The following CTNNA2 variants were observed in gnomAD, a reference collection of about 807,000 sequenced individuals.
CTNNA2 encodes the protein catenin alpha 2.
CTNNA2 carries 42 observed loss-of-function variants against 101.0 expected under a neutral mutation model. The ratio of observed to expected loss-of-function variants is 0.42; its 90% CI spans 0.32 to 0.54. The LOEUF (loss-of-function observed/expected upper bound fraction) is 0.54, where lower values mean the gene tolerates loss of function less well. CTNNA2 is among the 20% of genes least tolerant of loss of function. The pLI is 0.14. For missense variants in CTNNA2, 871 were observed against 1,223.1 expected, an observed-to-expected ratio of 0.71 and a Z score of 4.29; for synonymous variants, 450 against 456.4, an observed-to-expected ratio of 0.99 and a Z score of 0.18.
chr2:79,376,661 G>A (rs894463821), intron 4 of CTNNA2, among the ~76,000 whole-genome samples: 1 of 151,974 alleles, frequency 6.6e-6, no homozygotes, highest in Non-Finnish European at 1.5e-5. Context: ...ACAGGCCCTG[G>A]TGTGTGATGT....
intron 1 of CTNNA2, among the ~76,000 whole-genome samples, chr2:79,585,502 ATAT>A (rs1301782110): frequency 6.6e-6 from 1 of 151,952 alleles, no homozygotes; most frequent in South Asian, 2.1e-4. Context: ...TATTCTTATA[ATAT>A]TATTATTATA....
chr2:80,372,859 CTG>C (rs1315604414), intron 7 of CTNNA2, among the ~76,000 whole-genome samples: 2 of 152,112 alleles, frequency 1.3e-5, no homozygotes, highest in Admixed American at 1.3e-4. Flanking sequence ...TTAGCAATGT[CTG>C]GAGATATTTT....
At chr2:80,130,353 G>A (rs1187511645) in intron 7 of CTNNA2, among the ~76,000 whole-genome samples, 2 of 152,170 alleles carry the variant, frequency 1.3e-5, no homozygotes, top group African/African-American at 4.8e-5. Context: ...GCACATTCAA[G>A]GTAATTCCCA....
intron 6 of CTNNA2, among the ~76,000 whole-genome samples, chr2:79,902,914 T>C (rs1836207): frequency 0.89 from 135,526 of 152,234 alleles, 60,565 homozygotes; most frequent in African/African-American, 0.96. Context: ...CATGAGCCAC[T>C]GCGCCCGGTC....
At chr2:80,496,730 T>G (rs1321749885) in intron 9 of CTNNA2, among the ~76,000 whole-genome samples, 1 of 152,226 alleles carries the variant, frequency 6.6e-6, no homozygotes, top group Non-Finnish European at 1.5e-5. Flanking sequence ...TGACTTGCAT[T>G]GCTGCTAGGG....
chr2:80,216,476 C>G (rs1213651930), intron 7 of CTNNA2, among the ~76,000 whole-genome samples: 1 of 152,196 alleles, frequency 6.6e-6, no homozygotes, highest in African/African-American at 2.4e-5. Context: ...AAACTGTAAT[C>G]TCATTATTTG....
chr2:79,403,274 A>G (rs1451116430), intron 4 of CTNNA2, among the ~76,000 whole-genome samples: 2 of 151,930 alleles, frequency 1.3e-5, no homozygotes, highest in Non-Finnish European at 2.9e-5. Flanking sequence ...ACTCTAAACA[A>G]AAGTAATAGA....
At chr2:80,359,441 C>G (rs958597603) in intron 7 of CTNNA2, among the ~76,000 whole-genome samples, 5 of 152,122 alleles carry the variant, frequency 3.3e-5, no homozygotes, top group African/African-American at 1.2e-4. Context: ...GGAGGCGGAG[C>G]CTGGTGGGAG....
intron 3 of CTNNA2, among the ~76,000 whole-genome samples, chr2:79,825,541 G>A (rs934531197): frequency 6.6e-6 from 1 of 152,112 alleles, no homozygotes; most frequent in Non-Finnish European, 1.5e-5. Context: ...TTACTAAAAG[G>A]GGGAAGACAA....
At chr2:79,439,108 G>A (rs187314801) in intron 4 of CTNNA2, among the ~76,000 whole-genome samples, 184 of 152,246 alleles carry the variant, frequency 1.2e-3, no homozygotes, top group African/African-American at 4.2e-3. Flanking sequence ...CCACACAAAA[G>A]CCAGTGTACA....
At chr2:80,489,868 A>C (rs558167801) in intron 9 of CTNNA2, among the ~76,000 whole-genome samples, 129 of 152,264 alleles carry the variant, frequency 8.5e-4, no homozygotes, top group Non-Finnish European at 1.5e-3. Context: ...ATAGGATATA[A>C]AATATAAGAG....
upstream of CTNNA2, among the ~76,000 whole-genome samples, chr2:79,508,586 CTG>C (rs1248907326): frequency 6.6e-6 from 1 of 151,944 alleles, no homozygotes; most frequent in Non-Finnish European, 1.5e-5. Flanking sequence ...TCAAAAGACA[CTG>C]AGGAATAATA....
At chr2:79,385,389 A>G (rs1678087687) in intron 4 of CTNNA2, among the ~76,000 whole-genome samples, 2 of 152,210 alleles carry the variant, frequency 1.3e-5, no homozygotes, top group Admixed American at 6.5e-5. Flanking sequence ...ACAGTAGACC[A>G]CTTGGATTAA....
intron 3 of CTNNA2, among the ~76,000 whole-genome samples, chr2:79,806,744 C>T (rs1452431033): frequency 6.6e-6 from 1 of 152,022 alleles, no homozygotes; most frequent in African/African-American, 2.4e-5. Flanking sequence ...CTTCTGTGTA[C>T]AACCTGCCCC....
intron 3 of CTNNA2, among the ~76,000 whole-genome samples, chr2:79,351,128 A>G (rs1226277553): frequency 2.0e-5 from 3 of 152,094 alleles, no homozygotes. Context: ...AAGGTTTTTT[A>G]GTTTAGATAA....
intron 1 of CTNNA2, among the ~76,000 whole-genome samples, chr2:79,590,816 A>G (rs982179853): frequency 2.0e-5 from 3 of 152,194 alleles, no homozygotes; most frequent in Non-Finnish European, 2.9e-5. Context: ...ACTGTGTTTT[A>G]TCTGAAAAGC....
chr2:79,876,214 TTTTG>T (rs1016369183), intron 6 of CTNNA2, among the ~76,000 whole-genome samples: 5 of 152,128 alleles, frequency 3.3e-5, no homozygotes, highest in African/African-American at 7.2e-5. Context: ...GATAAAGGAT[TTTTG>T]TTTGTTTGTC....
At chr2:79,413,227 T>G (rs1438809461) in intron 4 of CTNNA2, among the ~76,000 whole-genome samples, 2 of 151,978 alleles carry the variant, frequency 1.3e-5, no homozygotes, top group African/African-American at 2.4e-5. Context: ...CTAGACAAAT[T>G]TGAAAAGAGC....
At chr2:79,925,348 A>G (rs901509648) in intron 7 of CTNNA2, among the ~76,000 whole-genome samples, 5 of 152,138 alleles carry the variant, frequency 3.3e-5, no homozygotes, top group Non-Finnish European at 7.4e-5. Context: ...ATATTTTTAT[A>G]TAAAGTGTAT....
Sources: allele counts gnomAD v4.1 joint callset (sites outside exome capture counted in the v4.1 genomes callset), GRCh38; gene constraint gnomAD v4.1.1; transcripts MANE v1.5; gene names NCBI Gene and HGNC (gene_info 2026-07-23, HGNC 2026-07-21).